The following LUZP2 variants were observed in gnomAD, a reference collection of about 807,000 sequenced individuals.
LUZP2 encodes leucine zipper protein 2.
LUZP2 carries 52 observed loss-of-function variants against 51.6 expected under a neutral mutation model. The observed-to-expected ratio is 1.01, with a 90% CI of 0.81 to 1.27. LUZP2 has a LOEUF of 1.27. Among genes scored for constraint, LUZP2 ranks in the 50% most tolerant of loss-of-function variants. The pLI is 0.00. For missense variants in LUZP2, 436 were observed against 395.4 expected, an observed-to-expected ratio of 1.10 and a Z score of -0.87; for synonymous variants, 154 against 137.3, an observed-to-expected ratio of 1.12 and a Z score of -0.85.
intron 1 of LUZP2, among the ~76,000 whole-genome samples, chr11:24,595,782 A>G (rs1455522315): frequency 6.6e-6 from 1 of 152,174 alleles, no homozygotes; most frequent in African/African-American, 2.4e-5. Context: ...GGCAAGTGAG[A>G]CTGACACTGA....
chr11:24,502,378 T>TTTTGTTTGTTTG (rs34008180), intron 1 of LUZP2, among the ~76,000 whole-genome samples: 1 of 150,854 alleles, frequency 6.6e-6, no homozygotes, highest in Non-Finnish European at 1.5e-5. Context: ...TTCCAAAGTA[T>TTTTGTTTGTTTG]TTTGTTTGTT....
chr11:24,529,502 C>G (rs774006263), intron 1 of LUZP2, among the ~76,000 whole-genome samples: 3 of 150,398 alleles, frequency 2.0e-5, no homozygotes, highest in Admixed American at 6.7e-5. Context: ...AGTATAAATA[C>G]AAATATTTAG....
In LUZP2 at chr11:24,551,962, A is replaced by T. The variant is rs533554852; in HGVS notation, c.62+54657A>T. ...ACAGAACAACTACAACATAAACAAA[A>T]CTCAGGCAACAGGCCCAACTGGCTG... On this transcript the variant is annotated intron_variant, in intron 1 of 11. Transcript: ENST00000336930. Among the ~76,000 whole-genome samples the T allele has an allele frequency of 4.6e-5, 7 of 152,000 alleles. No individual in the cohort carries two copies. The East Asian group carries it at 1.4e-3, about 29-fold the overall frequency.
At chr11:24,906,635 TAGCTCATAGA>T (rs1164214096) in intron 6 of LUZP2, among the ~76,000 whole-genome samples, 1 of 152,226 alleles carries the variant, frequency 6.6e-6, no homozygotes, top group Non-Finnish European at 1.5e-5. Context: ...TGTGAAAATG[TAGCTCATAGA>T]AGCCTTAGTA....
intron 5 of LUZP2, among the ~76,000 whole-genome samples, chr11:24,898,755 C>T (rs1406711699): frequency 6.6e-6 from 1 of 152,072 alleles, no homozygotes; most frequent in Non-Finnish European, 1.5e-5. Flanking sequence ...CATATGAATA[C>T]TACAAATTTT....
At chr11:25,060,632 G>A (rs537565520) in intron 10 of LUZP2, among the ~76,000 whole-genome samples, 1 of 152,266 alleles carries the variant, frequency 6.6e-6, no homozygotes, top group South Asian at 2.1e-4. Flanking sequence ...TTTAACAAAT[G>A]AGATAAAATG....
At chr11:24,592,494 G>A (rs1045953010) in intron 1 of LUZP2, among the ~76,000 whole-genome samples, 1 of 152,112 alleles carries the variant, frequency 6.6e-6, no homozygotes. Context: ...TATTTTTCCA[G>A]TTACATTTTC....
chr11:24,783,712 G>A (rs1012454720), intron 5 of LUZP2, among the ~76,000 whole-genome samples: 16 of 151,916 alleles, frequency 1.1e-4, no homozygotes, highest in Middle Eastern at 3.2e-3. Context: ...GTTTGCTCCA[G>A]CAGTGCACTA....
chr11:24,517,196 T>C lies in LUZP2; in HGVS notation c.62+19891T>C, dbSNP rs1391953044. Among the ~76,000 whole-genome samples, 6 of 152,142 alleles carry C rather than the reference T, an allele frequency of 3.9e-5. No homozygotes were observed. In the East Asian group the frequency reaches 1.2e-3, roughly 29 times the overall value. On this transcript the variant is annotated intron_variant, in intron 1 of 11. Transcript: ENST00000336930. ...CTATTGCTAAAGGTTAAAAATATTG[T>C]AGGTACAGGCCGGGCACGATGGTTC...
At chr11:24,845,051 C>T (rs961297352) in intron 5 of LUZP2, among the ~76,000 whole-genome samples, 2 of 152,126 alleles carry the variant, frequency 1.3e-5, no homozygotes, top group African/African-American at 4.8e-5. Flanking sequence ...GAGAGGAGGG[C>T]CACCATCCTC....
chr11:24,644,650 G>A (rs1385620561), intron 1 of LUZP2, among the ~76,000 whole-genome samples: 1 of 152,016 alleles, frequency 6.6e-6, no homozygotes, highest in East Asian at 1.9e-4. Flanking sequence ...AAGCAGGGGT[G>A]GGTATGGAAC....
intron 11 of LUZP2, among the ~76,000 whole-genome samples, chr11:25,077,882 C>T (rs1025129655): frequency 2.0e-5 from 3 of 152,214 alleles, no homozygotes; most frequent in South Asian, 4.1e-4. Flanking sequence ...AGCCATGGTG[C>T]CCCTGGGCTT....
chr11:25,053,896 TG>T (rs1040015595), intron 10 of LUZP2, among the ~76,000 whole-genome samples: 1 of 152,110 alleles, frequency 6.6e-6, no homozygotes, highest in Non-Finnish European at 1.5e-5. Context: ...CAAACATGAG[TG>T]GTGCTTCTCT....
intron 5 of LUZP2, among the ~76,000 whole-genome samples, chr11:24,769,715 A>G (rs1358732516): frequency 1.5e-5 from 2 of 135,210 alleles, no homozygotes; most frequent in African/African-American, 6.3e-5. Flanking sequence ...TTGGGATTAT[A>G]ATTGATTTGT....
At chr11:24,691,457 C>G (rs764940896) in intron 1 of LUZP2, among the ~76,000 whole-genome samples, 1 of 149,244 alleles carries the variant, frequency 6.7e-6, no homozygotes, top group Non-Finnish European at 1.5e-5. Context: ...AATAAATACC[C>G]ATTTTTCCCT....
chr11:24,771,352 G>A (rs1860408155), intron 5 of LUZP2, among the ~76,000 whole-genome samples: 1 of 84,742 alleles, frequency 1.2e-5, no homozygotes, highest in African/African-American at 3.8e-5. Flanking sequence ...TCAATAGTGT[G>A]TGCATGTATG....
intron 1 of LUZP2, among the ~76,000 whole-genome samples, chr11:24,568,535 G>T (rs1852324393): frequency 6.6e-6 from 1 of 151,882 alleles, no homozygotes; most frequent in Non-Finnish European, 1.5e-5. Context: ...TAAAATTTAT[G>T]AGGTAAAAAT....
intron 1 of LUZP2, among the ~76,000 whole-genome samples, chr11:24,562,938 A>G (rs117277280): frequency 0.019 from 2,840 of 152,042 alleles, 34 homozygotes; most frequent in South Asian, 0.036. Context: ...AAAGGGTAAG[A>G]TTGTGGGGCC....
At chr11:24,755,416 T>C (rs2134017089) in intron 4 of LUZP2, among the ~76,000 whole-genome samples, 1 of 152,344 alleles carries the variant, frequency 6.6e-6, no homozygotes, top group South Asian at 2.1e-4. Context: ...GCTAGTGGCC[T>C]GAGCTCAGAC....
Sources: gnomAD v4.1 joint callset for allele counts (sites outside exome capture counted in the v4.1 genomes callset) on GRCh38, gnomAD v4.1.1 for gene constraint, MANE v1.5 for transcripts, NCBI Gene and HGNC (gene_info 2026-07-23, HGNC 2026-07-21) for gene names.